The following CLEC16A variants were observed in gnomAD, a reference collection of about 807,000 sequenced individuals.
CLEC16A encodes the protein C-type lectin domain containing 16A.
In CLEC16A, 51 loss-of-function variants were observed where a neutral mutation model predicts 109.5. The observed-to-expected ratio is 0.47, with a 90% confidence interval of 0.37 to 0.59. CLEC16A has a LOEUF of 0.59. Ranked by LOEUF, CLEC16A falls within the 20% of genes least tolerant of loss-of-function variation. CLEC16A has a pLI of 0.00. For synonymous variants in CLEC16A, 673 were observed against 564.2 expected (o/e 1.19, Z -2.73); for missense variants, 1,339 against 1,394.0 (o/e 0.96, Z 0.63).
In CLEC16A at chr16:11,123,797, A is replaced by G; in HGVS notation, c.2324A>G (p.His775Arg). The change falls in exon 21 of 24, where the codon CAC becomes CGC. Residue 775 changes from histidine (H) to arginine (R), a missense_variant. Coordinates refer to ENST00000409790, the MANE Select transcript of CLEC16A (RefSeq NM_015226.3). ...AGCCGTGCCCTGAACATCACCATCC[A>G]CAAGCCTGCGTCCAGCCCCCATTCC... ...DDSRALNITIHKPASSPHSKP... is the reference protein window; with the variant it reads ...DDSRALNITIRKPASSPHSKP... 1.2e-6 allele frequency: 2 copies of G among 1,613,978 alleles called. No individual in the cohort carries two copies. The highest frequency in any genetic ancestry group is 2.2e-5 in the East Asian group (1 of 44,876).
chr16:11,120,837 CA>C lies in CLEC16A; in HGVS notation c.2268+72del. ...ACACACACACACACACACACACACA[CA>C]CCACACACAATTGTCATCTTTATCA... On this transcript the variant is annotated intron_variant, in intron 20 of 23. Coordinates refer to ENST00000409790, the MANE Select transcript of CLEC16A (RefSeq NM_015226.3). 8.5e-6 allele frequency: 10 copies of C among 1,177,458 alleles called. No individual in the cohort carries two copies. The South Asian group carries it at 1.4e-4, about 17-fold the overall frequency. 72.9% of individuals were successfully genotyped at this position (1,177,458 alleles called of 1,614,324 possible).
intron 22 of CLEC16A, among the ~76,000 whole-genome samples, chr16:11,163,073 G>T (rs1401724909): frequency 6.6e-6 from 1 of 152,198 alleles, no homozygotes. Flanking sequence ...CTACTTCGCA[G>T]CCCAAGTGTG....
chr16:11,022,373 A>T (rs1202192278), intron 12 of CLEC16A, among the ~76,000 whole-genome samples: 2 of 112,800 alleles, frequency 1.8e-5, no homozygotes, highest in Non-Finnish European at 3.3e-5. Context: ...CAAAGACAGG[A>T]TCCTACTATG....
At chr16:11,064,724 C>T (rs1166061102) in intron 19 of CLEC16A, among the ~76,000 whole-genome samples, 1 of 152,148 alleles carries the variant, frequency 6.6e-6, no homozygotes, top group African/African-American at 2.4e-5. Context: ...CTGCAGTGAA[C>T]CCTGATCATG....
chr16:11,030,754 C>G (rs2046694047), intron 13 of CLEC16A, among the ~76,000 whole-genome samples: 1 of 152,190 alleles, frequency 6.6e-6, no homozygotes, highest in Non-Finnish European at 1.5e-5. Context: ...AAGCAATTCT[C>G]CTGCCTCAGC....
At chr16:11,057,959 G>A (rs544397086) in intron 18 of CLEC16A, among the ~76,000 whole-genome samples, 9 of 152,326 alleles carry the variant, frequency 5.9e-5, no homozygotes, top group African/African-American at 1.4e-4. Context: ...CATAGTATGC[G>A]GCAGGCCATG....
At position 11,178,786 on chromosome 16, in the gene CLEC16A, G is replaced by A. The variant is rs559072320; in HGVS notation, c.*96G>A. The A allele has an allele frequency of 4.7e-5, 45 of 959,548 alleles. No individual in the cohort carries two copies. In the African/African-American group the frequency reaches 6.8e-4, roughly 14 times the overall value. The allele number at this position is 959,548 out of a possible 1,614,324, so 59.4% of individuals were successfully genotyped here. On this transcript the variant is annotated 3_prime_UTR_variant, in exon 24 of 24. Transcript: ENST00000409790. The surrounding 1 kb of genome is among the most constrained non-coding windows in gnomAD (Gnocchi z 6.5). ...ACACACTGGGAGCACCCACCATTCT[G>A]TGCGGCCCCCAGCAGCCATCTCAAC...
rs181511436 is a variant in CLEC16A at position 10,969,799 on chromosome 16, G to T, written c.492+490G>T. 9.2e-5 allele frequency among the ~76,000 whole-genome samples: 14 copies of T among 152,310 alleles called. No homozygotes were observed. The East Asian group carries it at 2.5e-3, about 27-fold the overall frequency. Reference sequence around the variant, plus strand: ...GGGCTGGTTTTGTCACTTCCCTGCTGTGTCACCTTAAGGAAGTCCCAGTCC... The same window carrying T: ...GGGCTGGTTTTGTCACTTCCCTGCTTTGTCACCTTAAGGAAGTCCCAGTCC... On this transcript the variant is annotated intron_variant, in intron 4 of 23. Coordinates refer to ENST00000409790, the MANE Select transcript of CLEC16A (RefSeq NM_015226.3).
intron 11 of CLEC16A, among the ~76,000 whole-genome samples, chr16:11,012,019 T>TCC (rs2045450751): frequency 6.6e-6 from 1 of 151,590 alleles, no homozygotes; most frequent in Admixed American, 6.6e-5. Flanking sequence ...CAATTTTCCC[T>TCC]CCCCCATGCC....
chr16:10,950,621 C>T (rs986741386), intron 1 of CLEC16A, among the ~76,000 whole-genome samples: 6 of 152,214 alleles, frequency 3.9e-5, no homozygotes, highest in African/African-American at 7.2e-5. Context: ...TTCCACCCTC[C>T]GTGAAGCTTC....
At chr16:11,152,334 G>A (rs575188191) in intron 22 of CLEC16A, among the ~76,000 whole-genome samples, 60 of 152,342 alleles carry the variant, frequency 3.9e-4, no homozygotes, top group African/African-American at 9.1e-4. Flanking sequence ...GCAGGCGGGC[G>A]GCTGGTGTCT....
intron 10 of CLEC16A, among the ~76,000 whole-genome samples, chr16:10,996,107 G>A (rs1374800838): frequency 1.3e-5 from 2 of 152,094 alleles, no homozygotes; most frequent in Non-Finnish European, 2.9e-5. Context: ...CTGGTCACTC[G>A]CCAACAACTG....
intron 10 of CLEC16A, among the ~76,000 whole-genome samples, chr16:11,002,088 G>A (rs924283587): frequency 6.6e-6 from 1 of 152,196 alleles, no homozygotes; most frequent in East Asian, 1.9e-4. Context: ...TGGCTGGTAC[G>A]TGGTTTTGAA....
Position 10,962,581 on chromosome 16 carries a change from C to T in CLEC16A, c.336C>T (p.Thr112=), listed in dbSNP as rs201484456. 12 of 1,613,642 alleles carry T rather than the reference C, an allele frequency of 7.4e-6. No homozygotes were observed. The East Asian group carries it at 2.5e-4, about 33-fold the overall frequency. Residue 112 remains threonine, a synonymous_variant, in exon 3 of 24, where the codon ACC becomes ACT. Coordinates refer to ENST00000409790, the MANE Select transcript of CLEC16A (RefSeq NM_015226.3). Reference sequence around the variant, plus strand: ...TCTTTGAGAACATCAGTCACGAGACCTCACTTTGTAAGGACATTCCTTGGT... The same window carrying T: ...TCTTTGAGAACATCAGTCACGAGACTTCACTTTGTAAGGACATTCCTTGGT... ...NILFENISHE[T]SLYYLLSNNY...
At chr16:11,042,556 C>G (rs906758817) in intron 15 of CLEC16A, among the ~76,000 whole-genome samples, 193 bp downstream of exon 15, 13 of 152,228 alleles carry the variant, frequency 8.5e-5, no homozygotes, top group African/African-American at 2.7e-4. Context: ...TCAGCCGAGA[C>G]TCGCTGAAGA....
intron 22 of CLEC16A, among the ~76,000 whole-genome samples, chr16:11,148,465 A>G (rs1308077798): frequency 6.6e-6 from 1 of 152,164 alleles, no homozygotes; most frequent in African/African-American, 2.4e-5. Flanking sequence ...CACTGTGCCA[A>G]GCAAGGTTGT....
At chr16:11,055,683 G>T (rs2048178617) in intron 18 of CLEC16A, among the ~76,000 whole-genome samples, 1 of 136,358 alleles carries the variant, frequency 7.3e-6, no homozygotes, top group Non-Finnish European at 1.5e-5. Flanking sequence ...CTCCTCCTAG[G>T]TTCAAGTGAT....
intron 17 of CLEC16A, among the ~76,000 whole-genome samples, chr16:11,049,063 A>G (rs1190964763): frequency 6.6e-6 from 1 of 151,760 alleles, no homozygotes; most frequent in Non-Finnish European, 1.5e-5. Context: ...CTGGAGTGCA[A>G]GTAGTGCGTT....
chr16:11,115,438 C>G (rs1207911646), intron 19 of CLEC16A, among the ~76,000 whole-genome samples: 1 of 152,138 alleles, frequency 6.6e-6, no homozygotes, highest in Non-Finnish European at 1.5e-5. Context: ...GTGGTGTGAT[C>G]ACGGCTCTCT....
Sources: gnomAD v4.1 joint callset for allele counts (sites outside exome capture counted in the v4.1 genomes callset) on GRCh38, gnomAD v4.1.1 for gene constraint, Gnocchi (gnomAD v3.1) non-coding constraint, MANE v1.5 for transcripts, NCBI Gene and HGNC (gene_info 2026-07-23, HGNC 2026-07-21) for gene names.